PAX3: variants seen among roughly 807,000 people sequenced by gnomAD.
PAX3 encodes the protein paired box protein Pax-3.
A neutral mutation model predicts 51.6 loss-of-function variants in PAX3; 14 were observed. The observed-to-expected ratio is 0.27, with a 90% CI of 0.18 to 0.42. The LOEUF is 0.42. PAX3 is among the 10% of genes least tolerant of loss of function. The probability of loss-of-function intolerance (pLI) is 1.00; values close to 1 mark genes in which losing one functional copy is unlikely to be tolerated. For synonymous variants in PAX3, 280 were observed against 253.4 expected (o/e 1.11, Z -1.00); for missense variants, 540 against 642.8 (o/e 0.84, Z 1.73).
At chr2:222,218,860 T>G (rs1269649924) in intron 7 of PAX3, among the ~76,000 whole-genome samples, 1 of 152,250 alleles carries the variant, frequency 6.6e-6, no homozygotes, top group Non-Finnish European at 1.5e-5. Flanking sequence ...TAATTACATT[T>G]ACTGTTACAA....
chr2:222,279,197 G>A (rs60462158), intron 4 of PAX3, among the ~76,000 whole-genome samples: 6 of 152,076 alleles, frequency 3.9e-5, no homozygotes, highest in Non-Finnish European at 7.4e-5. Flanking sequence ...CAAGTGATCC[G>A]ACCGCCTGGG....
At chr2:222,216,532 C>T (rs1323420940) in intron 7 of PAX3, among the ~76,000 whole-genome samples, 1 of 152,112 alleles carries the variant, frequency 6.6e-6, no homozygotes, top group African/African-American at 2.4e-5. Context: ...GTGTGACCTC[C>T]CTGAGACACT....
In PAX3 at chr2:222,212,622, AACACAC is replaced by A. The variant is rs57019405; in HGVS notation, c.1173+7512_1173+7517del. Among the ~76,000 whole-genome samples the A allele has an allele frequency of 5.4e-3, 803 of 148,026 alleles. 5 individuals carry two copies. Among genetic ancestry groups the A allele is most frequent in the Middle Eastern group, 6.9e-3 (2 of 288 alleles). ...CAGAGACAGATTCTTTGGAAAAACA[AACACAC>A]ACACACACACACACACACACACACA... On this transcript the variant is annotated intron_variant, in intron 7 of 8. Transcript: ENST00000392070.
chr2:222,295,383 C>T (rs899066378), intron 3 of PAX3, 145 bp downstream of exon 3: 4 of 957,034 alleles, frequency 4.2e-6, no homozygotes, highest in South Asian at 1.4e-5. Flanking sequence ...CCAAGAACAC[C>T]GGGTTGGCAA....
At chr2:222,226,006 A>C (rs551422301) in intron 5 of PAX3, among the ~76,000 whole-genome samples, 1 of 152,264 alleles carries the variant, frequency 6.6e-6, no homozygotes, top group Admixed American at 6.5e-5. Context: ...GATTAGTGCT[A>C]ATTGTCCCTT....
intron 7 of PAX3, among the ~76,000 whole-genome samples, chr2:222,216,407 C>T (rs571003204): frequency 6.6e-6 from 1 of 152,298 alleles, no homozygotes; most frequent in Non-Finnish European, 1.5e-5. Flanking sequence ...CAGACCCTTT[C>T]AGCAACTTGA....
At chr2:222,289,080 C>T (rs557685135) in intron 4 of PAX3, among the ~76,000 whole-genome samples, 24 of 152,368 alleles carry the variant, frequency 1.6e-4, no homozygotes, top group Middle Eastern at 3.4e-3. Flanking sequence ...TGAGATAAGA[C>T]ATTAAACTGA....
chr2:222,223,884 G>C (rs1692289458), intron 5 of PAX3, among the ~76,000 whole-genome samples: 1 of 152,156 alleles, frequency 6.6e-6, no homozygotes, highest in Non-Finnish European at 1.5e-5. Context: ...CCTGCCTTCT[G>C]TAACCTTTAG....
chr2:222,255,451 C>A lies in PAX3; in HGVS notation c.587-23168G>T, dbSNP rs78040629. Among the ~76,000 whole-genome samples the A allele has an allele frequency of 1.8e-3, 276 of 152,290 alleles. 1 individual carries two copies. The highest frequency in any genetic ancestry group is 6.4e-3 in the African/African-American group (268 of 41,568). On this transcript the variant is annotated intron_variant, in intron 4 of 8. Coordinates refer to ENST00000392070, the MANE Select transcript of PAX3 (RefSeq NM_181458.4). ...TAAAAAGGAAGACTTGGGAGCCCCACCTCAGTCTGCAACATCAAAATCACT... is the reference window on the plus strand; with the variant it reads ...TAAAAAGGAAGACTTGGGAGCCCCAACTCAGTCTGCAACATCAAAATCACT...
At chr2:222,240,000 C>A (rs1371268020) in intron 4 of PAX3, among the ~76,000 whole-genome samples, 1 of 152,084 alleles carries the variant, frequency 6.6e-6, no homozygotes, top group Non-Finnish European at 1.5e-5. Context: ...CCCTTCTGAC[C>A]CAAGCCCTTC....
At chr2:222,283,551 T>C (rs1694720962) in intron 4 of PAX3, among the ~76,000 whole-genome samples, 1 of 152,228 alleles carries the variant, frequency 6.6e-6, no homozygotes, top group Non-Finnish European at 1.5e-5. Flanking sequence ...ACTTGAGTGT[T>C]TGGGTCAACA....
intron 4 of PAX3, among the ~76,000 whole-genome samples, chr2:222,277,848 C>A (rs1178473851): frequency 6.6e-6 from 1 of 150,574 alleles, no homozygotes; most frequent in Non-Finnish European, 1.5e-5. Context: ...GCAGGAGAAT[C>A]GCTTGAACCC....
chr2:222,255,373 T>C (rs1169653567), intron 4 of PAX3, among the ~76,000 whole-genome samples: 1 of 152,152 alleles, frequency 6.6e-6, no homozygotes, highest in East Asian at 1.9e-4. Flanking sequence ...CACTAGGTGA[T>C]CTCATGCAAA....
intron 7 of PAX3, among the ~76,000 whole-genome samples, chr2:222,205,445 G>A (rs1691468837): frequency 6.6e-6 from 1 of 152,080 alleles, no homozygotes; most frequent in Non-Finnish European, 1.5e-5. Context: ...GGGGACCAGA[G>A]ACCAGTTATC....
At chr2:222,209,985 C>A (rs192657544) in intron 7 of PAX3, among the ~76,000 whole-genome samples, 1 of 152,154 alleles carries the variant, frequency 6.6e-6, no homozygotes, top group Non-Finnish European at 1.5e-5. Flanking sequence ...AAGCTAGAAA[C>A]TACTACACCA....
chr2:222,216,558 C>G (rs1233448658), intron 7 of PAX3, among the ~76,000 whole-genome samples: 3 of 152,192 alleles, frequency 2.0e-5, no homozygotes, highest in Admixed American at 2.0e-4. Flanking sequence ...ACACCAGCCC[C>G]TCATGAAGCT....
intron 4 of PAX3, among the ~76,000 whole-genome samples, chr2:222,236,131 G>C (rs537460065): frequency 6.6e-6 from 1 of 152,180 alleles, no homozygotes; most frequent in African/African-American, 2.4e-5. Flanking sequence ...TTAATCTGCC[G>C]GCTAGGAAAA....
chr2:222,260,594 T>TG (rs1361625353), intron 4 of PAX3, among the ~76,000 whole-genome samples: 3 of 87,278 alleles, frequency 3.4e-5, no homozygotes, highest in East Asian at 9.6e-4. Context: ...TTTTTTTGTT[T>TG]TTTTTTTTTT....
At chr2:222,221,834 C>T (rs2106075626) in intron 5 of PAX3, 1 of 186,742 alleles carries the variant, frequency 5.4e-6, no homozygotes, top group South Asian at 1.1e-4. Context: ...TAGTCTGTCT[C>T]TGTATTTCTG....
Sources: allele counts gnomAD v4.1 joint callset (sites outside exome capture counted in the v4.1 genomes callset), GRCh38; gene constraint gnomAD v4.1.1; transcripts MANE v1.5; gene names NCBI Gene and HGNC (gene_info 2026-07-23, HGNC 2026-07-21).